ABL1: variants seen among roughly 807,000 people sequenced by gnomAD.
ABL1 encodes tyrosine-protein kinase ABL1.
Under a neutral mutation model 94.7 loss-of-function variants are expected in ABL1, and 11 were observed. The ratio of observed to expected loss-of-function variants is 0.12; its 90% CI spans 0.07 to 0.19. ABL1 has a LOEUF of 0.19. Ranked by LOEUF, ABL1 falls within the 10% of genes least tolerant of loss-of-function variation. The probability of loss-of-function intolerance (pLI) is 1.00; values close to 1 mark genes in which losing one functional copy is unlikely to be tolerated. For missense variants in ABL1, 1,082 were observed against 1,489.4 expected (o/e 0.73, Z 4.50); for synonymous variants, 656 against 622.4 (o/e 1.05, Z -0.80).
intron 1 of ABL1, among the ~76,000 whole-genome samples, chr9:130,778,919 T>G (rs1829716114): frequency 6.6e-6 from 1 of 152,078 alleles, no homozygotes; most frequent in African/African-American, 2.4e-5. Context: ...CCCTAGAGAT[T>G]TAGCTTTAAC....
chr9:130,713,295 C>T (rs897193254), exon 1 of ABL1, among the ~76,000 whole-genome samples: 2 of 152,168 alleles, frequency 1.3e-5, no homozygotes, highest in African/African-American at 4.8e-5. Flanking sequence ...GGCGGCCGGG[C>T]CTCCTCTACA....
At chr9:130,824,797 CTG>C (rs1420557345) in intron 1 of ABL1, among the ~76,000 whole-genome samples, 49 of 152,296 alleles carry the variant, frequency 3.2e-4, no homozygotes, top group Non-Finnish European at 2.9e-5. Flanking sequence ...CCAAGGTTAA[CTG>C]TAGCTGCTCT....
At chr9:130,766,812 C>CTGGGT (rs1465485523) in intron 1 of ABL1, among the ~76,000 whole-genome samples, 2 of 152,212 alleles carry the variant, frequency 1.3e-5, no homozygotes, top group Non-Finnish European at 2.9e-5. Flanking sequence ...TTCCCAGCCT[C>CTGGGT]CTGTTGCCAT....
In ABL1 at chr9:130,828,917, A is replaced by G. The variant is rs1388784381; in HGVS notation, c.137-25147A>G. On this transcript the variant is annotated intron_variant, in intron 1 of 10. Coordinates refer to the ABL1 transcript ENST00000372348. The stretch of plus-strand genomic sequence containing the variant: ...CAGAATTATATAAATCTCTGGATTT[A>G]TGAGTGCCCAGAATAATATATGAAA... 3.3e-5 allele frequency among the ~76,000 whole-genome samples: 5 copies of G among 152,206 alleles called. 1 individual carries two copies. The South Asian group carries it at 6.2e-4, about 19-fold the overall frequency.
chr9:130,764,790 T>C (rs996711524), intron 1 of ABL1, among the ~76,000 whole-genome samples: 5 of 152,150 alleles, frequency 3.3e-5, no homozygotes, highest in Non-Finnish European at 5.9e-5. Context: ...ACCCTGTCTC[T>C]ACTAAAAATA....
chr9:130,763,170 T>A (rs940179614), intron 1 of ABL1, among the ~76,000 whole-genome samples: 1 of 151,994 alleles, frequency 6.6e-6, no homozygotes, highest in Non-Finnish European at 1.5e-5. Flanking sequence ...GACATTTGGA[T>A]AATTGCTTTT....
intron 4 of ABL1, among the ~76,000 whole-genome samples, chr9:130,869,723 T>C (rs7046333): frequency 8.9e-4 from 135 of 152,274 alleles, no homozygotes; most frequent in African/African-American, 3.0e-3. Flanking sequence ...TTCAGCAAAA[T>C]GATAGGAATT....
rs977345973 is a variant in ABL1 at position 130,887,393 on chromosome 9, C to T, written c.*1710C>T. On this transcript the variant is annotated 3_prime_UTR_variant, in exon 11 of 11. Coordinates refer to ENST00000318560, the MANE Select transcript of ABL1 (RefSeq NM_005157.6). ...CAGAGCAAAGCGCCCACCCAGGTCCCCCGACTGCCTGTCTCCATGAGGTAC... is the reference window on the plus strand; with the variant it reads ...CAGAGCAAAGCGCCCACCCAGGTCCTCCGACTGCCTGTCTCCATGAGGTAC... The T allele has an allele frequency of 2.6e-5, 6 of 233,310 alleles. No individual in the cohort carries two copies. The highest frequency in any genetic ancestry group is 1.3e-4 in the African/African-American group (6 of 45,366). The allele number at this position is 233,310 out of a possible 1,614,324, so 14.5% of individuals were successfully genotyped here.
At chr9:130,735,336 G>A (rs1368772094) in intron 1 of ABL1, among the ~76,000 whole-genome samples, 1 of 152,098 alleles carries the variant, frequency 6.6e-6, no homozygotes, top group Non-Finnish European at 1.5e-5. Flanking sequence ...GGCCTAAATT[G>A]AACACTTTTG....
Position 130,880,195 on chromosome 9 carries a change from A to C in ABL1, c.1513+38A>C. The C allele has an allele frequency of 5.6e-6, 9 of 1,594,614 alleles. No individual in the cohort carries two copies. The highest frequency in any genetic ancestry group is 7.7e-6 in the Non-Finnish European group (9 of 1,162,356). On this transcript the variant is annotated intron_variant, in intron 9 of 10. Coordinates refer to ENST00000318560, the MANE Select transcript of ABL1 (RefSeq NM_005157.6). This position sits in a 1 kb window ranked among gnomAD's most constrained non-coding sequence, Gnocchi z 4.4. Reference sequence around the variant, plus strand: ...TCCCGGGGTACCTGCAGTGGGGTGAAAGGGCAGCCATGTGGGACTGCAGCC... The same window carrying C: ...TCCCGGGGTACCTGCAGTGGGGTGACAGGGCAGCCATGTGGGACTGCAGCC...
At chr9:130,839,293 C>T (rs1450784652) in intron 1 of ABL1, among the ~76,000 whole-genome samples, 1 of 152,150 alleles carries the variant, frequency 6.6e-6, no homozygotes, top group African/African-American at 2.4e-5. Flanking sequence ...AACTTTCCAG[C>T]GGATGCTTCA....
At position 130,884,375 on chromosome 9, in the gene ABL1, C is replaced by CT; in HGVS notation, c.2085_2086insT (p.Ser696Ter). 1 of 1,611,886 alleles carries CT rather than the reference C, an allele frequency of 6.2e-7. No homozygotes were observed. Among genetic ancestry groups the CT allele is most frequent in the Non-Finnish European group, 8.5e-7 (1 of 1,179,802 alleles). ...GGAAGAAGTCCAGCACGCTGACCAGCAGCCGCCTAGCCACCGGCGAGGAGG... is the reference window on the plus strand; with the variant it reads ...GGAAGAAGTCCAGCACGCTGACCAGCTAGCCGCCTAGCCACCGGCGAGGAGG... On this transcript the variant is annotated frameshift_variant, in exon 11 of 11. Coordinates refer to ENST00000318560, the MANE Select transcript of ABL1 (RefSeq NM_005157.6). LOFTEE classifies it high-confidence loss of function. This position sits in a 1 kb window ranked among gnomAD's most constrained non-coding sequence, Gnocchi z 5.6.
intron 1 of ABL1, among the ~76,000 whole-genome samples, chr9:130,817,479 T>C (rs1230883587): frequency 1.3e-5 from 2 of 152,192 alleles, no homozygotes; most frequent in Non-Finnish European, 2.9e-5. Flanking sequence ...CTTTGCCTCT[T>C]TTAAAAAGTT....
chr9:130,739,162 G>A (rs887092269), intron 1 of ABL1, among the ~76,000 whole-genome samples: 1 of 152,154 alleles, frequency 6.6e-6, no homozygotes, highest in Non-Finnish European at 1.5e-5. Flanking sequence ...CCAAAGTGCT[G>A]GGATTACAGG....
At chr9:130,785,517 C>T (rs941817741) in intron 1 of ABL1, among the ~76,000 whole-genome samples, 1 of 152,180 alleles carries the variant, frequency 6.6e-6, no homozygotes, top group African/African-American at 2.4e-5. Context: ...TCCCTCTTCA[C>T]TCTACCTGCC....
intron 1 of ABL1, among the ~76,000 whole-genome samples, chr9:130,781,607 C>T (rs1829756970): frequency 6.6e-6 from 1 of 152,168 alleles, no homozygotes; most frequent in Non-Finnish European, 1.5e-5. Flanking sequence ...TAACATCTTA[C>T]TGTAACAAAC....
intron 1 of ABL1, among the ~76,000 whole-genome samples, chr9:130,815,441 G>A (rs911423672): frequency 6.6e-6 from 1 of 152,074 alleles, no homozygotes; most frequent in African/African-American, 2.4e-5. Context: ...TGCTTGCCCA[G>A]GGCCAATAAC....
intron 1 of ABL1, among the ~76,000 whole-genome samples, chr9:130,754,676 G>GC (rs1832020322): frequency 1.9e-5 from 2 of 104,652 alleles, no homozygotes; most frequent in Non-Finnish European, 3.6e-5. Flanking sequence ...TCAAGTAATG[G>GC]GGGGGGCTTG....
chr9:130,764,758 T>C (rs1314511801), intron 1 of ABL1, among the ~76,000 whole-genome samples: 1 of 151,896 alleles, frequency 6.6e-6, no homozygotes, highest in Non-Finnish European at 1.5e-5. Flanking sequence ...GAGTTCGAGA[T>C]CAGCCTGGCT....
Sources: allele counts gnomAD v4.1 joint callset (sites outside exome capture counted in the v4.1 genomes callset), GRCh38; gene constraint gnomAD v4.1.1; non-coding constraint Gnocchi (gnomAD v3.1); transcripts MANE v1.5; gene names NCBI Gene and HGNC (gene_info 2026-07-23, HGNC 2026-07-21).